SLCO3A1: variants seen among roughly 807,000 people sequenced by gnomAD.
The protein encoded by SLCO3A1 is PGE1 transporter.
Under a neutral mutation model 63.1 loss-of-function variants are expected in SLCO3A1, and 27 were observed. The ratio of observed to expected loss-of-function variants is 0.43; its 90% CI spans 0.32 to 0.59. The LOEUF (loss-of-function observed/expected upper bound fraction) is 0.59, where lower values mean the gene tolerates loss of function less well. SLCO3A1 is among the 20% of genes least tolerant of loss of function. The pLI is 0.09. For missense variants in SLCO3A1, 773 were observed against 945.8 expected, an observed-to-expected ratio of 0.82 and a Z score of 2.40; for synonymous variants, 473 against 409.9, an observed-to-expected ratio of 1.15 and a Z score of -1.86.
intron 2 of SLCO3A1, among the ~76,000 whole-genome samples, chr15:92,051,154 G>A (rs568321187): frequency 2.6e-5 from 4 of 152,324 alleles, no homozygotes; most frequent in East Asian, 3.9e-4. Flanking sequence ...GGGGAATTAA[G>A]TAAGGCATAT....
chr15:92,068,393 G>A (rs760603282), intron 2 of SLCO3A1, among the ~76,000 whole-genome samples: 12 of 133,736 alleles, frequency 9.0e-5, no homozygotes, highest in Non-Finnish European at 1.2e-4. Flanking sequence ...CTTCAGAAAA[G>A]GGAAGCAGAA....
At chr15:91,963,666 G>A (rs149738364) in intron 2 of SLCO3A1, among the ~76,000 whole-genome samples, 2 of 152,048 alleles carry the variant, frequency 1.3e-5, no homozygotes, top group Admixed American at 1.3e-4. Context: ...AAGATGATGC[G>A]TCTGGAGTTG....
At position 91,900,371 on chromosome 15, in the gene SLCO3A1, A is replaced by G. The variant is rs1027419562; in HGVS notation, c.181-15622A>G. 1.1e-4 allele frequency among the ~76,000 whole-genome samples: 17 copies of G among 152,184 alleles called. No homozygotes were observed. The East Asian group carries it at 3.3e-3, about 29-fold the overall frequency. ...TTGAGATGGAGTCTTGCTCTGTCAC[A>G]CAGGCTGGAGTGCAGTGGTGTGATC... On this transcript the variant is annotated intron_variant, in intron 1 of 9. Coordinates refer to ENST00000318445, the MANE Select transcript of SLCO3A1 (RefSeq NM_013272.4). This position sits in a 1 kb window ranked among gnomAD's most constrained non-coding sequence, Gnocchi z 4.3.
At chr15:91,960,339 C>T (rs1317136964) in intron 2 of SLCO3A1, among the ~76,000 whole-genome samples, 2 of 152,152 alleles carry the variant, frequency 1.3e-5, no homozygotes, top group African/African-American at 4.8e-5. Context: ...TAAGGTCCAT[C>T]CATGTTGTAA....
At chr15:91,952,768 A>G (rs567671398) in intron 2 of SLCO3A1, among the ~76,000 whole-genome samples, 9 of 152,200 alleles carry the variant, frequency 5.9e-5, no homozygotes, top group Non-Finnish European at 1.2e-4. Flanking sequence ...CAGTTGTCAC[A>G]TATCGATTCT....
At chr15:91,896,545 G>C (rs7183075) in intron 1 of SLCO3A1, among the ~76,000 whole-genome samples, 38,948 of 151,948 alleles carry the variant, frequency 0.26, 5,536 homozygotes, top group East Asian at 0.44. Flanking sequence ...TGCTGTTCTC[G>C]TGATAGTGAA....
At position 92,129,687 on chromosome 15, in the gene SLCO3A1, A is replaced by G. The variant is rs191934219; in HGVS notation, c.1512+1198A>G. Among the ~76,000 whole-genome samples, 10 of 152,288 alleles carry G rather than the reference A, an allele frequency of 6.6e-5. No homozygotes were observed. The East Asian group carries it at 9.6e-4, about 15-fold the overall frequency. On this transcript the variant is annotated intron_variant, in intron 7 of 9. Coordinates refer to ENST00000318445, the MANE Select transcript of SLCO3A1 (RefSeq NM_013272.4). The stretch of plus-strand genomic sequence containing the variant: ...AACCCCCAGTGGCAGCTTTCAAGGG[A>G]CTTAGAGTTGAGATCATTAGCTGCT...
chr15:92,095,577 C>G (rs1413235443), intron 3 of SLCO3A1, among the ~76,000 whole-genome samples: 3 of 152,152 alleles, frequency 2.0e-5, no homozygotes, highest in African/African-American at 7.2e-5. Flanking sequence ...CCCTGAGTTC[C>G]CCAATCCATG....
chr15:92,109,529 A>AT (rs2047704267), intron 4 of SLCO3A1, among the ~76,000 whole-genome samples: 1 of 152,066 alleles, frequency 6.6e-6, no homozygotes, highest in African/African-American at 2.4e-5. Flanking sequence ...GGATGAGTGT[A>AT]ACCGCACCAG....
intron 2 of SLCO3A1, among the ~76,000 whole-genome samples, chr15:92,048,564 C>T (rs559649406): frequency 1.1e-4 from 17 of 152,256 alleles, no homozygotes; most frequent in Admixed American, 8.5e-4. Flanking sequence ...GTAGCAGCCC[C>T]CTACCATGTA....
chr15:92,035,013 C>G lies in SLCO3A1; in HGVS notation c.647-59868C>G, dbSNP rs537141876. Among the ~76,000 whole-genome samples the G allele has an allele frequency of 3.3e-5, 5 of 152,016 alleles. No homozygotes were observed. The East Asian group carries it at 9.6e-4, about 29-fold the overall frequency. On this transcript the variant is annotated intron_variant, in intron 2 of 9. Transcript: ENST00000318445. ...ACTGAGGTTTGGAAAGATTCAATGG[C>G]TTGTCCAAGGTCATAGTTAAAGAGG...
chr15:91,968,680 G>A lies in SLCO3A1; in HGVS notation c.646+52222G>A, dbSNP rs1206115408. Among the ~76,000 whole-genome samples, 1 of 152,106 alleles carries A rather than the reference G, an allele frequency of 6.6e-6. No individual in the cohort carries two copies. The highest frequency in any genetic ancestry group is 2.4e-5 in the African/African-American group (1 of 41,414). ...CAACCCATTCTTCAGACAGAGAAAG[G>A]GTGCACACGCAGACCCGCAAGCACA... On this transcript the variant is annotated intron_variant, in intron 2 of 9. Transcript: ENST00000318445. The surrounding 1 kb of genome is among the most constrained non-coding windows in gnomAD (Gnocchi z 4.2).
intron 7 of SLCO3A1, among the ~76,000 whole-genome samples, chr15:92,133,910 C>CA (rs2048025719): frequency 6.6e-6 from 1 of 152,168 alleles, no homozygotes; most frequent in Non-Finnish European, 1.5e-5. Flanking sequence ...TCCTTGGTAC[C>CA]AAAAAGGTTG....
intron 2 of SLCO3A1, among the ~76,000 whole-genome samples, chr15:92,079,449 G>A (rs115469888): frequency 0.02 from 3,037 of 152,298 alleles, 101 homozygotes; most frequent in African/African-American, 0.069. Flanking sequence ...TCTCTCCTTG[G>A]CCAGCAGACG....
chr15:92,112,691 C>A (rs978097722), intron 4 of SLCO3A1, among the ~76,000 whole-genome samples: 1 of 152,190 alleles, frequency 6.6e-6, no homozygotes, highest in African/African-American at 2.4e-5. Context: ...GCAGGGGACT[C>A]ACTCACCAAA....
chr15:91,990,289 C>T (rs566753392), intron 2 of SLCO3A1, among the ~76,000 whole-genome samples: 51 of 152,232 alleles, frequency 3.4e-4, no homozygotes, highest in African/African-American at 1.2e-3. Context: ...TGCAACTTTG[C>T]CAGAATTAAA....
At chr15:92,029,116 A>G (rs909326454) in intron 2 of SLCO3A1, among the ~76,000 whole-genome samples, 2 of 152,146 alleles carry the variant, frequency 1.3e-5, no homozygotes, top group African/African-American at 4.8e-5. Context: ...GGTAAATGGA[A>G]TCTCTTCTGG....
In SLCO3A1 at chr15:91,962,713, G is replaced by A. The variant is rs936655348; in HGVS notation, c.646+46255G>A. ...TCTTGGTGATCTCAGGCTGTCCAGTGCACCCCATCCCCAGCAGCACACCAG... is the reference window on the plus strand; with the variant it reads ...TCTTGGTGATCTCAGGCTGTCCAGTACACCCCATCCCCAGCAGCACACCAG... On this transcript the variant is annotated intron_variant, in intron 2 of 9. Transcript: ENST00000318445. Among the ~76,000 whole-genome samples, 3 of 152,162 alleles carry A rather than the reference G, an allele frequency of 2.0e-5. No homozygotes were observed. The East Asian group carries it at 5.8e-4, about 30-fold the overall frequency.
At position 91,942,609 on chromosome 15, in the gene SLCO3A1, A is replaced by G. The variant is rs988872363; in HGVS notation, c.646+26151A>G. Among the ~76,000 whole-genome samples, 1 of 152,156 alleles carries G rather than the reference A, an allele frequency of 6.6e-6. No individual in the cohort carries two copies. The highest frequency in any genetic ancestry group is 2.4e-5 in the African/African-American group (1 of 41,426). On this transcript the variant is annotated intron_variant, in intron 2 of 9. Coordinates refer to ENST00000318445, the MANE Select transcript of SLCO3A1 (RefSeq NM_013272.4). This position sits in a 1 kb window ranked among gnomAD's most constrained non-coding sequence, Gnocchi z 4.1. Reference sequence around the variant, plus strand: ...TGTTTGTTTGTTTGTTTCGAGACCGAGTCTTGCTCTGTCGACCAGGCTGGA... The same window carrying G: ...TGTTTGTTTGTTTGTTTCGAGACCGGGTCTTGCTCTGTCGACCAGGCTGGA...
Sources: allele counts gnomAD v4.1 joint callset (sites outside exome capture counted in the v4.1 genomes callset), GRCh38; gene constraint gnomAD v4.1.1; non-coding constraint Gnocchi (gnomAD v3.1); transcripts MANE v1.5; gene names NCBI Gene and HGNC (gene_info 2026-07-23, HGNC 2026-07-21).